The following GNS variants were observed in gnomAD, a reference collection of about 807,000 sequenced individuals.
The protein encoded by GNS is glucosamine (N-acetyl)-6-sulfatase.
Under a neutral mutation model 69.7 loss-of-function variants are expected in GNS, and 40 were observed. The ratio of observed to expected loss-of-function variants is 0.57; its 90% confidence interval spans 0.45 to 0.75. GNS has a LOEUF of 0.75. GNS is among the 30% of genes least tolerant of loss of function. The pLI is 0.00. For synonymous variants in GNS, 243 were observed against 251.6 expected, an observed-to-expected ratio of 0.97 and a Z score of 0.32; for missense variants, 565 against 685.5, an observed-to-expected ratio of 0.82 and a Z score of 1.96.
At chr12:64,757,194 G>C (rs60127396) in intron 1 of GNS, among the ~76,000 whole-genome samples, 4,880 of 152,136 alleles carry the variant, frequency 0.032, 258 homozygotes, top group African/African-American at 0.11. Flanking sequence ...ATCTGCTACT[G>C]GCTTAACGAA....
At chr12:64,750,891 G>C (rs1010519170) in intron 2 of GNS, among the ~76,000 whole-genome samples, 2 of 152,178 alleles carry the variant, frequency 1.3e-5, no homozygotes, top group Non-Finnish European at 2.9e-5. Context: ...GGGCGGTAGA[G>C]TGAGACCCTG....
At chr12:64,755,919 G>A (rs550225513) in intron 1 of GNS, among the ~76,000 whole-genome samples, 3 of 151,980 alleles carry the variant, frequency 2.0e-5, no homozygotes, top group Admixed American at 6.5e-5. Context: ...TGTCCACCTC[G>A]GCCTCCCAAA....
chr12:64,735,358 G>A (rs1869529402), intron 9 of GNS, among the ~76,000 whole-genome samples: 1 of 152,158 alleles, frequency 6.6e-6, no homozygotes, highest in South Asian at 2.1e-4. Flanking sequence ...CTGCAAAATA[G>A]GGATAACAGT....
chr12:64,722,861 C>A (rs982484675), intron 11 of GNS, 145 bp downstream of exon 11: 11 of 668,970 alleles, frequency 1.6e-5, no homozygotes, highest in South Asian at 3.3e-5. Flanking sequence ...ACTGGATTTA[C>A]CTTTGTCCAT....
At chr12:64,740,924 A>G (rs541294647) in intron 6 of GNS, among the ~76,000 whole-genome samples, 10 of 152,272 alleles carry the variant, frequency 6.6e-5, no homozygotes, top group Admixed American at 6.5e-5. Flanking sequence ...CTCCCAAACC[A>G]TAAAAGGTCT....
chr12:64,735,550 T>C (rs1869534293), intron 9 of GNS, among the ~76,000 whole-genome samples: 1 of 152,228 alleles, frequency 6.6e-6, no homozygotes, highest in Admixed American at 6.5e-5. Flanking sequence ...AACATTTAGA[T>C]GGCAATGTTA....
At chr12:64,740,367 AC>A (rs1565624716) in intron 7 of GNS, among the ~76,000 whole-genome samples, 1 of 152,170 alleles carries the variant, frequency 6.6e-6, no homozygotes, top group Non-Finnish European at 1.5e-5. Context: ...AGTTTGCAAG[AC>A]TTTTGCCAAG....
At chr12:64,744,200 C>G (rs1869829631) in intron 5 of GNS, among the ~76,000 whole-genome samples, 1 of 152,190 alleles carries the variant, frequency 6.6e-6, no homozygotes, top group Admixed American at 6.5e-5. Context: ...TGATGCAACA[C>G]GTAAGACTGT....
Position 64,716,393 on chromosome 12 carries a change from C to T in GNS, c.*348G>A. 2.8e-6 allele frequency: 1 copy of T among 358,252 alleles called. No homozygotes were observed. Among genetic ancestry groups the T allele is most frequent in the South Asian group, 2.4e-5 (1 of 40,980 alleles). The allele number at this position is 358,252 out of a possible 1,614,324, so 22.2% of individuals were successfully genotyped here. ...TGTTTGTGTGTGTCCTAAAGTACTG[C>T]CATTTATCTGAATGGGTTTACAAAT... On this transcript the variant is annotated 3_prime_UTR_variant, in exon 14 of 14. Coordinates refer to ENST00000258145, the MANE Select transcript of GNS (RefSeq NM_002076.4).
intron 9 of GNS, among the ~76,000 whole-genome samples, chr12:64,731,889 T>A (rs1308001943): frequency 6.6e-6 from 1 of 152,168 alleles, no homozygotes; most frequent in Non-Finnish European, 1.5e-5. Flanking sequence ...TGAGCCATGT[T>A]TGAGCCACCA....
At chr12:64,744,291 T>C (rs1242677112) in intron 5 of GNS, among the ~76,000 whole-genome samples, 1 of 152,222 alleles carries the variant, frequency 6.6e-6, no homozygotes, top group African/African-American at 2.4e-5. Flanking sequence ...CTGGCTACAC[T>C]AGGTGCTCAA....
At chr12:64,727,720 G>A (rs1869252579) in intron 10 of GNS, among the ~76,000 whole-genome samples, 1 of 152,062 alleles carries the variant, frequency 6.6e-6, no homozygotes, top group African/African-American at 2.4e-5. Flanking sequence ...GATTCATGGT[G>A]GGAATGGGAG....
intron 3 of GNS, 36 bp from the exon 4 acceptor site, chr12:64,745,760 CT>C: frequency 7.7e-7 from 1 of 1,290,784 alleles, no homozygotes; most frequent in Non-Finnish European, 1.1e-6. Flanking sequence ...ATTACAAGTC[CT>C]TAGATATGAC....
In GNS at chr12:64,752,701, A is replaced by C. The variant is rs1265980309; in HGVS notation, c.249T>G (p.Ser83Arg). ...LIGEMGMTFS[S>R]AYVPSALCCP... ...TTGAATTAACTTTCAAACTTACAGC[A>C]CTGGAAAAAGTCATCCCCATCTCTC... The change falls in exon 2 of 14, where the codon AGT (serine) becomes AGG (arginine). Residue 83 changes from serine to arginine, a missense_variant. Ser to Arg is a moderately radical substitution (Grantham distance 110). Transcript: ENST00000258145. 3 of 1,475,780 alleles carry C rather than the reference A, an allele frequency of 2.0e-6. No individual in the cohort carries two copies. The highest frequency in any genetic ancestry group is 2.8e-6 in the Non-Finnish European group (3 of 1,055,658). The allele number at this position is 1,475,780 out of a possible 1,614,324, so 91.4% of individuals were successfully genotyped here.
chr12:64,724,292 C>T (rs1869123667), intron 10 of GNS, among the ~76,000 whole-genome samples: 1 of 152,204 alleles, frequency 6.6e-6, no homozygotes, highest in South Asian at 2.1e-4. Context: ...TTCTTAGTTC[C>T]TAACGTAGGT....
intron 2 of GNS, among the ~76,000 whole-genome samples, chr12:64,750,838 T>C (rs186440906): frequency 2.0e-5 from 3 of 152,124 alleles, no homozygotes; most frequent in Admixed American, 6.5e-5. Context: ...CCCAGGAGTT[T>C]GAGTTCAAGT....
intron 2 of GNS, among the ~76,000 whole-genome samples, chr12:64,749,873 A>AT (rs35784292): frequency 0.4 from 51,496 of 127,780 alleles, 11,258 homozygotes; most frequent in Middle Eastern, 0.48. Context: ...TGGTAGAGCA[A>AT]TTTTTTTTTT....
intron 9 of GNS, among the ~76,000 whole-genome samples, chr12:64,732,663 G>A (rs1315461288): frequency 1.3e-5 from 2 of 151,142 alleles, no homozygotes; most frequent in African/African-American, 2.4e-5. Context: ...GGGTTTCACT[G>A]TGTTAGCCAG....
Position 64,721,697 on chromosome 12 carries a change from G to A in GNS, c.1317C>T (p.Phe439=), listed in dbSNP as rs780470761. 4 of 1,484,304 alleles carry A rather than the reference G, an allele frequency of 2.7e-6. No homozygotes were observed. The African/African-American group carries it at 5.5e-5, about 20-fold the overall frequency. The allele number at this position is 1,484,304 out of a possible 1,614,324, so 91.9% of individuals were successfully genotyped here. The change falls in exon 12 of 14, where the codon TTC becomes TTT. Residue 439 remains phenylalanine, a synonymous_variant. Coordinates refer to ENST00000258145, the MANE Select transcript of GNS (RefSeq NM_002076.4). The part of the protein sequence containing the change: ...PSLSPGVSQC[F]PDCVCEDAYN... ...AAGCATCTTCACATACACAGTCTGG[G>A]AAGCATTGCTGTAGGGATATTTCAA... is the stretch of plus-strand genomic sequence containing the variant.
Sources: allele counts gnomAD v4.1 joint callset (sites outside exome capture counted in the v4.1 genomes callset), GRCh38; gene constraint gnomAD v4.1.1; transcripts MANE v1.5; gene names NCBI Gene and HGNC (gene_info 2026-07-23, HGNC 2026-07-21).